The following DLG2 variants were observed in gnomAD, a reference collection of about 807,000 sequenced individuals.
DLG2 encodes discs large MAGUK scaffold protein 2.
Under a neutral mutation model 132.5 loss-of-function variants are expected in DLG2, and 45 were observed. The ratio of observed to expected loss-of-function variants is 0.34; its 90% CI spans 0.27 to 0.44. DLG2 has a LOEUF of 0.44. Ranked by LOEUF, DLG2 falls within the 20% of genes least tolerant of loss-of-function variation. The probability of loss-of-function intolerance (pLI) is 1.00; values close to 1 mark genes in which losing one functional copy is unlikely to be tolerated. For synonymous variants in DLG2, 424 were observed against 419.6 expected, an observed-to-expected ratio of 1.01 and a Z score of -0.13; for missense variants, 1,045 against 1,196.9, an observed-to-expected ratio of 0.87 and a Z score of 1.87.
intron 5 of DLG2, among the ~76,000 whole-genome samples, chr11:85,134,875 T>C (rs1259978504): frequency 6.6e-6 from 1 of 152,220 alleles, no homozygotes; most frequent in Non-Finnish European, 1.5e-5. Flanking sequence ...TAATTTCTTC[T>C]GAACTGCTAT....
chr11:84,966,569 A>C (rs530203679), intron 6 of DLG2, among the ~76,000 whole-genome samples: 1 of 152,244 alleles, frequency 6.6e-6, no homozygotes. Context: ...AGGCTCTGGC[A>C]TAGTCTTGGC....
chr11:83,612,222 A>C (rs1417873381), intron 19 of DLG2, among the ~76,000 whole-genome samples: 2 of 152,186 alleles, frequency 1.3e-5, no homozygotes, highest in Admixed American at 1.3e-4. Flanking sequence ...GCAGAGTAAC[A>C]GAGTTAGATT....
intron 6 of DLG2, among the ~76,000 whole-genome samples, chr11:84,744,371 A>G (rs2153827539): frequency 6.6e-6 from 1 of 152,308 alleles, no homozygotes; most frequent in African/African-American, 2.4e-5. Flanking sequence ...GCCTTGTGAC[A>G]TCATCTTGAA....
At chr11:84,181,044 A>T (rs1281683951) in intron 8 of DLG2, among the ~76,000 whole-genome samples, 4 of 152,052 alleles carry the variant, frequency 2.6e-5, no homozygotes, top group African/African-American at 7.2e-5. Context: ...TCTTAATCTA[A>T]CAGATAACAG....
chr11:84,870,142 T>C (rs1213723937), intron 6 of DLG2, among the ~76,000 whole-genome samples: 1 of 152,218 alleles, frequency 6.6e-6, no homozygotes, highest in Non-Finnish European at 1.5e-5. Flanking sequence ...AGTACATATA[T>C]GCCATCAAGG....
chr11:84,418,341 T>C (rs1263940961), intron 7 of DLG2, among the ~76,000 whole-genome samples: 1 of 152,150 alleles, frequency 6.6e-6, no homozygotes, highest in African/African-American at 2.4e-5. Flanking sequence ...GTGGAAAAGA[T>C]GATAAAAAGA....
chr11:84,683,768 A>C (rs1472223815), intron 6 of DLG2, among the ~76,000 whole-genome samples: 10 of 152,204 alleles, frequency 6.6e-5, no homozygotes, highest in African/African-American at 2.4e-4. Flanking sequence ...TTTGAGAAGC[A>C]ATTTCATTGT....
chr11:84,646,211 A>T (rs943489082), intron 6 of DLG2, among the ~76,000 whole-genome samples: 8 of 152,224 alleles, frequency 5.3e-5, no homozygotes, highest in Non-Finnish European at 1.2e-4. Context: ...CACACAGTAG[A>T]TGGAAGAAAA....
intron 3 of DLG2, among the ~76,000 whole-genome samples, chr11:85,437,615 T>C (rs2091559475): frequency 6.6e-6 from 1 of 152,180 alleles, no homozygotes; most frequent in South Asian, 2.1e-4. Context: ...ACAAACTCTA[T>C]TCAATTATTG....
intron 3 of DLG2, among the ~76,000 whole-genome samples, chr11:85,295,318 A>G (rs576591511): frequency 6.6e-6 from 1 of 152,130 alleles, no homozygotes; most frequent in Non-Finnish European, 1.5e-5. Context: ...AAAATTCCCA[A>G]TATCTTCCAA....
At chr11:84,483,937 G>A (rs1314453832) in intron 7 of DLG2, among the ~76,000 whole-genome samples, 1 of 152,164 alleles carries the variant, frequency 6.6e-6, no homozygotes, top group Admixed American at 6.5e-5. Flanking sequence ...GCATGTCATA[G>A]CTCTATTCCC....
chr11:85,203,394 AC>A (rs1202277931), intron 4 of DLG2, among the ~76,000 whole-genome samples: 5 of 152,038 alleles, frequency 3.3e-5, no homozygotes, highest in Non-Finnish European at 4.4e-5. Flanking sequence ...CCACAGAAAT[AC>A]AAAGGATCAT....
At chr11:83,817,875 A>T (rs1200434781) in intron 17 of DLG2, among the ~76,000 whole-genome samples, 2 of 152,194 alleles carry the variant, frequency 1.3e-5, no homozygotes, top group African/African-American at 2.4e-5. Context: ...GTCTCTAATT[A>T]AAAAATAAAT....
At chr11:84,011,486 TA>T (rs1294197305) in intron 11 of DLG2, among the ~76,000 whole-genome samples, 3 of 151,584 alleles carry the variant, frequency 2.0e-5, no homozygotes, top group Admixed American at 6.6e-5. Context: ...AATAAATAAA[TA>T]AATTAATTAA....
chr11:84,945,126 T>G (rs566990372), intron 6 of DLG2, among the ~76,000 whole-genome samples: 1 of 152,226 alleles, frequency 6.6e-6, no homozygotes, highest in African/African-American at 2.4e-5. Flanking sequence ...CATTGAAGAG[T>G]TAGGTATTTA....
Position 84,843,995 on chromosome 11 carries a change from GATAT to G in DLG2, c.357+267662_357+267665del, listed in dbSNP as rs538892384. Among the ~76,000 whole-genome samples, 120 of 148,596 alleles carry G rather than the reference GATAT, an allele frequency of 8.1e-4. 3 individuals carry two copies. The South Asian group carries it at 0.024, about 30-fold the overall frequency. On this transcript the variant is annotated intron_variant, in intron 6 of 27. Transcript: ENST00000376104. The stretch of plus-strand genomic sequence containing the variant: ...ATGTAATAGATACATATATAAAGGT[GATAT>G]ATATATTATGTTCCCATACATATTT...
At chr11:84,749,463 A>G (rs78677065) in intron 6 of DLG2, among the ~76,000 whole-genome samples, 1,592 of 152,258 alleles carry the variant, frequency 0.01, 24 homozygotes, top group African/African-American at 0.027. Context: ...CCTTTTCTAT[A>G]TGTATATATG....
intron 6 of DLG2, among the ~76,000 whole-genome samples, chr11:84,540,552 A>T (rs1313766007): frequency 2.6e-5 from 4 of 152,136 alleles, no homozygotes; most frequent in African/African-American, 9.7e-5. Context: ...CAGGTGCTGG[A>T]GACGATGTGG....
chr11:85,024,956 A>G (rs1049791043), intron 6 of DLG2, among the ~76,000 whole-genome samples: 3 of 152,220 alleles, frequency 2.0e-5, no homozygotes, highest in East Asian at 1.9e-4. Flanking sequence ...AGAATATTCC[A>G]TTGATTGGCA....
Sources: gnomAD v4.1 joint callset for allele counts (sites outside exome capture counted in the v4.1 genomes callset) on GRCh38, gnomAD v4.1.1 for gene constraint, MANE v1.5 for transcripts, NCBI Gene and HGNC (gene_info 2026-07-23, HGNC 2026-07-21) for gene names.